The following SUPT3H variants were observed in gnomAD, a reference collection of about 807,000 sequenced individuals.
SUPT3H encodes SPT3 homolog, SAGA and STAGA complex component.
Under a neutral mutation model 44.3 loss-of-function variants are expected in SUPT3H, and 44 were observed. The observed-to-expected ratio is 0.99, with a 90% CI of 0.78 to 1.28. The LOEUF (loss-of-function observed/expected upper bound fraction) is 1.28. SUPT3H is among the 50% of genes most tolerant of loss of function. The pLI is 0.00. For synonymous variants in SUPT3H, 124 were observed against 125.6 expected, an observed-to-expected ratio of 0.99 and a Z score of 0.09; for missense variants, 380 against 387.1, an observed-to-expected ratio of 0.98 and a Z score of 0.15.
chr6:45,104,274 T>C lies in SUPT3H; in HGVS notation c.186+1648A>G, dbSNP rs116323478. ...TGTCATATAAAAATAGTAACATACA[T>C]AGATTTAACATGAATAACAATACCA... On this transcript the variant is annotated intron_variant, in intron 3 of 10. Transcript: ENST00000371459. Among the ~76,000 whole-genome samples the C allele has an allele frequency of 1.1e-3, 172 of 152,210 alleles. 1 individual carries two copies. Among genetic ancestry groups the C allele is most frequent in the African/African-American group, 3.9e-3 (162 of 41,582 alleles).
intron 6 of SUPT3H, among the ~76,000 whole-genome samples, chr6:44,994,607 C>T (rs561954317): frequency 1.3e-5 from 2 of 152,184 alleles, no homozygotes; most frequent in South Asian, 4.2e-4. Flanking sequence ...CTAGCTACTG[C>T]CACTGGCAGG....
intron 2 of SUPT3H, among the ~76,000 whole-genome samples, chr6:45,158,298 A>ATATATTT: frequency 4.0e-5 from 4 of 99,688 alleles, no homozygotes; most frequent in African/African-American, 2.0e-4. Flanking sequence ...ATATATATAT[A>ATATATTT]TTTTTTTTTT....
At chr6:44,890,738 C>A (rs925183711) in intron 10 of SUPT3H, among the ~76,000 whole-genome samples, 2 of 147,498 alleles carry the variant, frequency 1.4e-5, no homozygotes, top group South Asian at 2.2e-4. Context: ...TGCACATGTA[C>A]CCTAAAACTT....
chr6:45,206,192 GAAT>G (rs1457813100), intron 2 of SUPT3H, among the ~76,000 whole-genome samples: 2 of 152,086 alleles, frequency 1.3e-5, no homozygotes, highest in African/African-American at 4.8e-5. Flanking sequence ...TAGTAAGGAA[GAAT>G]AATATATGAA....
intron 11 of SUPT3H, among the ~76,000 whole-genome samples, chr6:44,820,483 GAA>G (rs1189987742): frequency 6.6e-6 from 1 of 152,174 alleles, no homozygotes; most frequent in Non-Finnish European, 1.5e-5. Flanking sequence ...AAGTGAAAAG[GAA>G]AAGCTAAAGG....
At position 45,204,296 on chromosome 6, in the gene SUPT3H, T is replaced by C. The variant is rs528095372; in HGVS notation, c.102-98290A>G. Among the ~76,000 whole-genome samples the C allele has an allele frequency of 3.9e-5, 3 of 77,398 alleles. No homozygotes were observed. In the East Asian group the frequency reaches 1.7e-3, roughly 45 times the overall value. 50.8% of individuals were successfully genotyped at this position (77,398 alleles called of 152,430 possible). The stretch of plus-strand genomic sequence containing the variant: ...GAAGAAGAAGAACCACCTGTATCTC[T>C]TTTGTATTCTATACATCTTCAGAGC... On this transcript the variant is annotated intron_variant, in intron 2 of 10. Transcript: ENST00000371459.
At chr6:45,099,538 G>C (rs1798259764) in intron 3 of SUPT3H, among the ~76,000 whole-genome samples, 1 of 151,972 alleles carries the variant, frequency 6.6e-6, no homozygotes, top group Non-Finnish European at 1.5e-5. Context: ...AAGAATTCCA[G>C]CCCAGAATAA....
At chr6:45,315,117 C>T (rs1784493001) in intron 2 of SUPT3H, among the ~76,000 whole-genome samples, 2 of 152,180 alleles carry the variant, frequency 1.3e-5, no homozygotes, top group African/African-American at 2.4e-5. Flanking sequence ...CCTCATCTCT[C>T]ACCTTATACA....
At chr6:45,127,674 A>T (rs1257182009) in intron 2 of SUPT3H, among the ~76,000 whole-genome samples, 1 of 151,960 alleles carries the variant, frequency 6.6e-6, no homozygotes, top group East Asian at 1.9e-4. Flanking sequence ...ATTTTCAAAG[A>T]CTTTTCTCTA....
At position 45,155,804 on chromosome 6, in the gene SUPT3H, CCA is replaced by C. The variant is rs1449719299; in HGVS notation, c.102-49800_102-49799del. 2.0e-5 allele frequency among the ~76,000 whole-genome samples: 3 copies of C among 152,066 alleles called. No homozygotes were observed. In the East Asian group the frequency reaches 5.8e-4, roughly 29 times the overall value. ...AGGGTCACTGTACTCAGGAAAACCCCCACATATTAGGGCAATGGAGCTAACTT... is the reference window on the plus strand; with the variant it reads ...AGGGTCACTGTACTCAGGAAAACCCCCATATTAGGGCAATGGAGCTAACTT... On this transcript the variant is annotated intron_variant, in intron 2 of 10. Transcript: ENST00000371459.
At chr6:45,360,092 A>G (rs760155662) in intron 2 of SUPT3H, among the ~76,000 whole-genome samples, 10 of 152,264 alleles carry the variant, frequency 6.6e-5, no homozygotes, top group Non-Finnish European at 1.2e-4. Flanking sequence ...ATCAAAATAA[A>G]AAGTTTATTA....
chr6:45,344,334 C>T (rs529107476), intron 2 of SUPT3H, among the ~76,000 whole-genome samples: 27 of 152,266 alleles, frequency 1.8e-4, no homozygotes, highest in Middle Eastern at 6.8e-3. Flanking sequence ...TGTCTGTATA[C>T]TTATTTTTGC....
chr6:44,872,914 A>C (rs373632245), intron 10 of SUPT3H, among the ~76,000 whole-genome samples: 3 of 4,960 alleles, frequency 6.0e-4, no homozygotes, highest in African/African-American at 7.9e-4. Context: ...GCCATTACAT[A>C]ATGGTAAAGG....
intron 2 of SUPT3H, among the ~76,000 whole-genome samples, chr6:45,144,523 C>T (rs1805722397): frequency 6.6e-6 from 1 of 152,026 alleles, no homozygotes; most frequent in Non-Finnish European, 1.5e-5. Flanking sequence ...TAAAACCCAT[C>T]TATGACAAAT....
At position 45,366,303 on chromosome 6, in the gene SUPT3H, G is replaced by A. The variant is rs745336251; in HGVS notation, c.1-1002C>T. 2.0e-5 allele frequency among the ~76,000 whole-genome samples: 3 copies of A among 152,136 alleles called. No homozygotes were observed. In the South Asian group the frequency reaches 6.2e-4, roughly 31 times the overall value. ...TCAGACTGCCTAGATTTGAATCCCA[G>A]CTCCGCTCCTTTGCTAAGACTTTGG... On this transcript the variant is annotated intron_variant, in intron 1 of 10. Transcript: ENST00000371459.
intron 2 of SUPT3H, among the ~76,000 whole-genome samples, chr6:45,348,724 TTAAA>T (rs753710101): frequency 6.6e-6 from 1 of 151,040 alleles, no homozygotes; most frequent in Non-Finnish European, 1.5e-5. Context: ...TAACAAGGCA[TTAAA>T]TGAAATAATA....
chr6:45,238,333 AC>A (rs1342809355), intron 2 of SUPT3H, among the ~76,000 whole-genome samples: 1 of 152,218 alleles, frequency 6.6e-6, no homozygotes, highest in Non-Finnish European at 1.5e-5. Context: ...CAATTGTGCC[AC>A]AGAAAGTAAC....
At chr6:45,248,847 G>A (rs573963361) in intron 2 of SUPT3H, among the ~76,000 whole-genome samples, 21 of 151,800 alleles carry the variant, frequency 1.4e-4, no homozygotes, top group African/African-American at 4.6e-4. Context: ...CCCAAGAGGC[G>A]GAGGTTGCAG....
intron 10 of SUPT3H, among the ~76,000 whole-genome samples, chr6:44,916,729 A>G (rs1467345242): frequency 6.6e-6 from 1 of 152,176 alleles, no homozygotes. Context: ...TCTACATTTA[A>G]ATTCTAATAT....
Sources: gnomAD v4.1 joint callset for allele counts (sites outside exome capture counted in the v4.1 genomes callset) on GRCh38, gnomAD v4.1.1 for gene constraint, MANE v1.5 for transcripts, NCBI Gene and HGNC (gene_info 2026-07-23, HGNC 2026-07-21) for gene names.